The following CPED1 variants were observed in gnomAD, a reference collection of about 807,000 sequenced individuals.
The protein encoded by CPED1 is cadherin-like and PC-esterase domain-containing protein 1.
CPED1 carries 114 observed loss-of-function variants against 128.2 expected under a neutral mutation model. The observed-to-expected ratio is 0.89, with a 90% CI of 0.76 to 1.04. CPED1 has a LOEUF of 1.04. CPED1 is among the 50% of genes least tolerant of loss of function. The pLI, the probability that CPED1 is intolerant of heterozygous loss-of-function variation, is 0.00. For synonymous variants in CPED1, 462 were observed against 426.7 expected (o/e 1.08, Z -1.02); for missense variants, 1,211 against 1,207.1 (o/e 1.00, Z -0.05).
At chr7:121,054,084 AT>A (rs1793428559) in intron 4 of CPED1, among the ~76,000 whole-genome samples, 1 of 152,206 alleles carries the variant, frequency 6.6e-6, no homozygotes, top group Non-Finnish European at 1.5e-5. Context: ...GCAGAATGAT[AT>A]TTAAAAACAA....
intron 16 of CPED1, among the ~76,000 whole-genome samples, chr7:121,226,044 TGGA>T (rs1375164545): frequency 2.0e-5 from 3 of 152,144 alleles, no homozygotes; most frequent in Non-Finnish European, 4.4e-5. Context: ...TGTGATCCTT[TGGA>T]GGAGAAGAGG....
chr7:121,058,015 C>A (rs894932537), intron 4 of CPED1, among the ~76,000 whole-genome samples: 1 of 151,940 alleles, frequency 6.6e-6, no homozygotes, highest in Non-Finnish European at 1.5e-5. Flanking sequence ...GTAAATCCAC[C>A]AAGACTCAGA....
chr7:121,141,859 C>G, intron 15 of CPED1, 114 bp from the exon 16 acceptor site: 1 of 753,196 alleles, frequency 1.3e-6, no homozygotes, highest in East Asian at 2.6e-5. Flanking sequence ...TTGTACAGAC[C>G]TTTCCTGTTA....
intron 4 of CPED1, chr7:121,052,149 T>G (rs1033069526): frequency 6.6e-6 from 1 of 152,320 alleles, no homozygotes; most frequent in African/African-American, 2.4e-5. Context: ...ATGGCTCCTG[T>G]GATAGTTATG....
chr7:121,073,807 A>ATTTTT (rs34082656), intron 5 of CPED1, among the ~76,000 whole-genome samples: 1 of 134,306 alleles, frequency 7.4e-6, no homozygotes, highest in African/African-American at 2.8e-5. Context: ...ACCTCTTCCC[A>ATTTTT]TTTTTTTTTT....
chr7:121,041,587 T>C (rs985752156), intron 3 of CPED1, among the ~76,000 whole-genome samples: 5 of 152,166 alleles, frequency 3.3e-5, no homozygotes, highest in Admixed American at 6.5e-5. Flanking sequence ...ATTACGGATC[T>C]TGCAGATGTT....
At chr7:121,041,116 A>ATGTTTTTC (rs1216957517) in intron 3 of CPED1, among the ~76,000 whole-genome samples, 40 of 152,106 alleles carry the variant, frequency 2.6e-4, no homozygotes, top group Admixed American at 2.0e-4. Flanking sequence ...TAAAAAACTA[A>ATGTTTTTC]TGTTTTTCTT....
In CPED1 at chr7:121,266,765, C is replaced by G. The variant is rs1460189369; in HGVS notation, c.2590C>G (p.Leu864Val). 6.2e-7 allele frequency: 1 copy of G among 1,612,806 alleles called. No homozygotes were observed. The highest frequency in any genetic ancestry group is 8.5e-7 in the Non-Finnish European group (1 of 1,179,256). Residue 864 changes from leucine to valine, a missense_variant, in exon 20 of 23, where the codon CTT becomes GTT. By Grantham distance (32) the Leu-to-Val change is conservative. Transcript: ENST00000310396. ...ATTGGTTGTTGGTGGTGTTCAGTGGCTTAATTCCAATCACCTGCAAATTAT... is the reference window on the plus strand; with the variant it reads ...ATTGGTTGTTGGTGGTGTTCAGTGGGTTAATTCCAATCACCTGCAAATTAT... ...TVLVVGGVQWLNSNHLQIIHK... is the reference protein window; with the variant it reads ...TVLVVGGVQWVNSNHLQIIHK...
At chr7:121,117,086 TATATATATATATAA>T (rs1375791887) in intron 7 of CPED1, among the ~76,000 whole-genome samples, 45 of 142,524 alleles carry the variant, frequency 3.2e-4, no homozygotes, top group African/African-American at 1.1e-3. Flanking sequence ...ATTATATATA[TATATATATATATAA>T]ATATATATAT....
intron 10 of CPED1, among the ~76,000 whole-genome samples, chr7:121,127,925 A>G (rs571017332): frequency 5.5e-4 from 84 of 152,262 alleles, no homozygotes; most frequent in Non-Finnish European, 1.0e-3. Flanking sequence ...GGTTCATTAC[A>G]TGTATTATAG....
At chr7:121,047,707 TTCTTCTTC>T (rs1563005019) in intron 4 of CPED1, among the ~76,000 whole-genome samples, 8 of 59,508 alleles carry the variant, frequency 1.3e-4, no homozygotes, top group Admixed American at 9.3e-4. Context: ...CTTCTTCTTC[TTCTTCTTC>T]TTTTTTTTTT....
chr7:121,216,173 A>G (rs1797754850), intron 16 of CPED1, among the ~76,000 whole-genome samples: 1 of 152,042 alleles, frequency 6.6e-6, no homozygotes, highest in Non-Finnish European at 1.5e-5. Flanking sequence ...TTTAAATAAG[A>G]TAGAAAAGTA....
At chr7:121,249,792 C>A (rs1798626336) in intron 18 of CPED1, among the ~76,000 whole-genome samples, 1 of 152,052 alleles carries the variant, frequency 6.6e-6, no homozygotes, top group Admixed American at 6.5e-5. Flanking sequence ...ATATATGCAC[C>A]CAATACAGGA....
intron 4 of CPED1, 97 bp downstream of exon 4, chr7:121,047,090 G>C: frequency 1.4e-6 from 1 of 717,220 alleles, no homozygotes; most frequent in East Asian, 2.8e-5. Context: ...TAAAGAATTA[G>C]AGTCATTGTA....
intron 2 of CPED1, among the ~76,000 whole-genome samples, chr7:120,997,563 T>C (rs1340199405): frequency 6.6e-6 from 1 of 152,112 alleles, no homozygotes; most frequent in African/African-American, 2.4e-5. Context: ...ATCGCAGATA[T>C]AATTAGTTAG....
intron 13 of CPED1, among the ~76,000 whole-genome samples, 167 bp downstream of exon 13, chr7:121,134,060 A>G (rs1305528125): frequency 6.6e-6 from 1 of 152,096 alleles, no homozygotes; most frequent in Admixed American, 6.6e-5. Context: ...TAGAGAGGGA[A>G]TCCAGCAATC....
At chr7:121,079,285 G>A (rs1196579852) in intron 5 of CPED1, among the ~76,000 whole-genome samples, 1 of 150,494 alleles carries the variant, frequency 6.6e-6, no homozygotes, top group African/African-American at 2.5e-5. Context: ...CCCCAAAGAA[G>A]AAAGAGACAC....
intron 11 of CPED1, among the ~76,000 whole-genome samples, chr7:121,129,480 T>G (rs1795610004): frequency 6.6e-6 from 1 of 151,192 alleles, no homozygotes; most frequent in Non-Finnish European, 1.5e-5. Context: ...CAAAGATAAT[T>G]GAGTTGGCAC....
intron 18 of CPED1, among the ~76,000 whole-genome samples, chr7:121,246,948 C>CAACA (rs1361925936): frequency 6.6e-6 from 1 of 152,144 alleles, no homozygotes; most frequent in African/African-American, 2.4e-5. Context: ...TCAAATTTGC[C>CAACA]AACACACTGC....
Sources: gnomAD v4.1 joint callset for allele counts (sites outside exome capture counted in the v4.1 genomes callset) on GRCh38, gnomAD v4.1.1 for gene constraint, MANE v1.5 for transcripts, NCBI Gene and HGNC (gene_info 2026-07-23, HGNC 2026-07-21) for gene names.